Variants in TRIO observed in about 807,000 individuals in gnomAD.
TRIO encodes trio Rho guanine nucleotide exchange factor, also known as triple functional domain protein.
A neutral mutation model predicts 351.9 loss-of-function variants in TRIO; 58 were observed. The observed-to-expected ratio is 0.16, with a 90% CI of 0.13 to 0.21. The LOEUF is 0.21. Ranked by LOEUF, TRIO falls within the 10% of genes least tolerant of loss-of-function variation. TRIO has a pLI of 1.00. For missense variants in TRIO, 3,201 were observed against 4,027.8 expected (o/e 0.79, Z 5.56); for synonymous variants, 1,758 against 1,595.7 (o/e 1.10, Z -2.42).
chr5:14,381,069 G>C (rs1746060079), intron 20 of TRIO, 61 bp from the exon 21 acceptor site: 3 of 1,554,576 alleles, frequency 1.9e-6, no homozygotes, highest in Non-Finnish European at 2.6e-6. Context: ...GGTGCTCGGG[G>C]CTTTGGGCTC....
At chr5:14,332,846 C>T (rs1741029091) in intron 10 of TRIO, among the ~76,000 whole-genome samples, 1 of 152,160 alleles carries the variant, frequency 6.6e-6, no homozygotes, top group Admixed American at 6.5e-5. Flanking sequence ...TGTAGAAATG[C>T]CTGACACCCA....
At chr5:14,261,904 A>G (rs1439185856) in intron 1 of TRIO, among the ~76,000 whole-genome samples, 1 of 152,252 alleles carries the variant, frequency 6.6e-6, no homozygotes, top group African/African-American at 2.4e-5. Flanking sequence ...CTAATCAGTC[A>G]CCAAATATAC....
rs768699963 is a variant in TRIO, at chr5:14,508,426, A to G, written c.*4A>G. Reference sequence around the variant, plus strand: ...CAGGCTTCTGCCTAGAGTTTGACCTATCCAGAAGTTCTTTCTCATTCTCTT... The same window carrying G: ...CAGGCTTCTGCCTAGAGTTTGACCTGTCCAGAAGTTCTTTCTCATTCTCTT... On this transcript the variant is annotated 3_prime_UTR_variant, in exon 57 of 57. Coordinates refer to ENST00000344204, the MANE Select transcript of TRIO (RefSeq NM_007118.4). 7 of 1,576,124 alleles carry G rather than the reference A, an allele frequency of 4.4e-6. No individual in the cohort carries two copies. The South Asian group carries it at 5.8e-5, about 13-fold the overall frequency.
At chr5:14,236,645 T>G (rs976630941) in intron 1 of TRIO, among the ~76,000 whole-genome samples, 2 of 152,230 alleles carry the variant, frequency 1.3e-5, no homozygotes, top group Admixed American at 6.5e-5. Context: ...AATTACTCTT[T>G]TGTGTGGAAT....
At chr5:14,435,213 G>GA (rs558596106) in intron 34 of TRIO, among the ~76,000 whole-genome samples, 4 of 151,834 alleles carry the variant, frequency 2.6e-5, no homozygotes, top group Admixed American at 2.0e-4. Flanking sequence ...GGTGAAAAGG[G>GA]AAAAAAAGGG....
intron 1 of TRIO, among the ~76,000 whole-genome samples, chr5:14,186,554 G>A (rs1581304929): frequency 6.6e-6 from 1 of 151,976 alleles, no homozygotes; most frequent in Admixed American, 6.6e-5. Flanking sequence ...TCGGCCTGTC[G>A]TTTGCACATT....
chr5:14,458,615 C>T (rs895427246), intron 34 of TRIO, among the ~76,000 whole-genome samples: 1 of 152,222 alleles, frequency 6.6e-6, no homozygotes, highest in Non-Finnish European at 1.5e-5. Flanking sequence ...AAATCGGGGG[C>T]TTGGCTCCAA....
chr5:14,202,222 TA>T (rs1418332482), intron 1 of TRIO, among the ~76,000 whole-genome samples: 1 of 149,766 alleles, frequency 6.7e-6, no homozygotes, highest in Admixed American at 6.7e-5. Context: ...TAAGGACCCG[TA>T]CCAGGCTTGT....
At chr5:14,395,173 C>T (rs911569501) in intron 28 of TRIO, among the ~76,000 whole-genome samples, 1 of 152,166 alleles carries the variant, frequency 6.6e-6, no homozygotes, top group Non-Finnish European at 1.5e-5. Context: ...GTAGCTACAT[C>T]GTTTTGTGAA....
Position 14,224,656 on chromosome 5 carries a change from G to GCTTTATTATTTATTTTTTTTAC in TRIO, c.158-46169_158-46168insCTTTATTATTTATTTTTTTTAC, listed in dbSNP as rs1561221954. ...TGTTAGTAAATAAAGCTTTACAGAAGAGGCAAAGTGGAAGGACTCAGTGGC... is the reference window on the plus strand; with the variant it reads ...TGTTAGTAAATAAAGCTTTACAGAAGCTTTATTATTTATTTTTTTTACAGGCAAAGTGGAAGGACTCAGTGGC... On this transcript the variant is annotated intron_variant, in intron 1 of 56. Transcript: ENST00000344204. 9.1e-5 allele frequency among the ~76,000 whole-genome samples: 12 copies of GCTTTATTATTTATTTTTTTTAC among 131,490 alleles called. No individual in the cohort carries two copies. In the East Asian group the frequency reaches 2.4e-3, roughly 27 times the overall value. The allele number at this position is 131,490 out of a possible 152,430, so 86.3% of individuals were successfully genotyped here.
Position 14,497,001 on chromosome 5 carries a change from A to C in TRIO, c.8003A>C (p.Asn2668Thr). 3 of 1,614,244 alleles carry C rather than the reference A, an allele frequency of 1.9e-6. No homozygotes were observed. The highest frequency in any genetic ancestry group is 2.5e-6 in the Non-Finnish European group (3 of 1,180,034). ...GYRKSREGLS[N>T]KVSVKLLNPN... is the part of the protein sequence containing the mutation. The stretch of plus-strand genomic sequence containing the variant: ...CGGAAGTCACGGGAAGGACTCAGCA[A>C]CAAGGTATCTGTGAAGGTGTGTTCG... The change falls in exon 50 of 57, where the codon AAC (asparagine) becomes ACC (threonine). Residue 2668 changes from asparagine to threonine, a missense_variant. This residue lies in a region of TRIO where 1,089 missense variants were observed against 954.9 expected (regional missense o/e 1.14). Transcript: ENST00000344204. The surrounding 1 kb of genome is among the most constrained non-coding windows in gnomAD (Gnocchi z 4.4).
At chr5:14,260,248 T>C (rs1486131591) in intron 1 of TRIO, among the ~76,000 whole-genome samples, 1 of 152,226 alleles carries the variant, frequency 6.6e-6, no homozygotes, top group East Asian at 1.9e-4. Context: ...CACTTTTAAA[T>C]GGATTTGTCT....
chr5:14,336,849 GC>G, intron 11 of TRIO, 122 bp downstream of exon 11: 1 of 1,019,578 alleles, frequency 9.8e-7, no homozygotes, highest in South Asian at 1.6e-5. Context: ...GTAAGATGTA[GC>G]CCATTAGTGC....
At chr5:14,420,154 A>T (rs1354351734) in intron 34 of TRIO, 133 bp downstream of exon 34, 1 of 1,366,782 alleles carries the variant, frequency 7.3e-7, no homozygotes, top group African/African-American at 1.5e-5. Flanking sequence ...ATGGTCACTG[A>T]CTGTCCGGGC....
chr5:14,235,700 C>T (rs772968354), intron 1 of TRIO, among the ~76,000 whole-genome samples: 2 of 151,918 alleles, frequency 1.3e-5, no homozygotes, highest in Non-Finnish European at 2.9e-5. Flanking sequence ...GGTGCCCTTA[C>T]ACCCATTCGA....
intron 48 of TRIO, chr5:14,488,537 C>G: frequency 1.9e-6 from 1 of 531,684 alleles, no homozygotes; most frequent in Non-Finnish European, 3.3e-6. Flanking sequence ...AGCAGAATAT[C>G]TTCTTGGAAC....
At chr5:14,278,835 G>C (rs1735755303) in intron 2 of TRIO, among the ~76,000 whole-genome samples, 1 of 152,116 alleles carries the variant, frequency 6.6e-6, no homozygotes, top group African/African-American at 2.4e-5. Flanking sequence ...TAAGGACCAG[G>C]AACCCGTTAT....
chr5:14,462,532 TATGACAC>T (rs1447334719), intron 35 of TRIO, among the ~76,000 whole-genome samples: 1 of 152,206 alleles, frequency 6.6e-6, no homozygotes, highest in African/African-American at 2.4e-5. Context: ...AGTCCCTTTA[TATGACAC>T]ATGACACATT....
At chr5:14,314,223 T>C (rs1304500225) in intron 8 of TRIO, among the ~76,000 whole-genome samples, 1 of 152,236 alleles carries the variant, frequency 6.6e-6, no homozygotes, top group Non-Finnish European at 1.5e-5. Flanking sequence ...AATGCATACG[T>C]AGTTTAATCT....
Sources: gnomAD v4.1 joint callset for allele counts (sites outside exome capture counted in the v4.1 genomes callset) on GRCh38, gnomAD v4.1.1 for gene constraint, gnomAD v4.1.1 regional missense constraint, Gnocchi (gnomAD v3.1) non-coding constraint, MANE v1.5 for transcripts, NCBI Gene and HGNC (gene_info 2026-07-23, HGNC 2026-07-21) for gene names.